The following CENPP variants were observed in gnomAD, a reference collection of about 807,000 sequenced individuals.
CENPP encodes the protein centromere protein P.
In CENPP, 24 loss-of-function variants were observed where a neutral mutation model predicts 35.6. The observed-to-expected ratio is 0.67, with a 90% confidence interval of 0.49 to 0.95. The LOEUF (loss-of-function observed/expected upper bound fraction) is 0.95, where lower values mean the gene tolerates loss of function less well. CENPP is among the 40% of genes least tolerant of loss of function. The pLI is 0.00. For synonymous variants in CENPP, 120 were observed against 125.5 expected, an observed-to-expected ratio of 0.96 and a Z score of 0.29; for missense variants, 332 against 345.3, an observed-to-expected ratio of 0.96 and a Z score of 0.31.
chr9:92,542,071 C>T (rs536474251), intron 5 of CENPP, among the ~76,000 whole-genome samples: 28 of 152,224 alleles, frequency 1.8e-4, no homozygotes, highest in Admixed American at 1.1e-3. Flanking sequence ...GGATTATAGG[C>T]GTGAGCCACT....
At chr9:92,488,560 T>C (rs1443017433) in intron 5 of CENPP, among the ~76,000 whole-genome samples, 1 of 152,200 alleles carries the variant, frequency 6.6e-6, no homozygotes, top group Admixed American at 6.5e-5. Context: ...TTCAAATAGT[T>C]AAGAACTGCT....
At chr9:92,605,121 T>A (rs1007275751) in intron 5 of CENPP, among the ~76,000 whole-genome samples, 2 of 152,016 alleles carry the variant, frequency 1.3e-5, no homozygotes, top group Admixed American at 6.6e-5. Context: ...GCTGGAATTA[T>A]AGGCACACAC....
At chr9:92,569,749 A>G (rs1332270864) in intron 5 of CENPP, among the ~76,000 whole-genome samples, 1 of 151,938 alleles carries the variant, frequency 6.6e-6, no homozygotes, top group African/African-American at 2.4e-5. Context: ...GTCCCTTTTT[A>G]TTTCGTTGAG....
In CENPP at chr9:92,457,546, T is replaced by A; in HGVS notation, c.564+77687T>A. 3 of 1,228,084 alleles carry A rather than the reference T, an allele frequency of 2.4e-6. No individual in the cohort carries two copies. In the South Asian group the frequency reaches 3.9e-5, roughly 16 times the overall value. The allele number at this position is 1,228,084 out of a possible 1,614,324, so 76.1% of individuals were successfully genotyped here. A position where few individuals can be genotyped will look rare whatever the true frequency, so the allele number is the denominator to read the frequency against. On this transcript the variant is annotated intron_variant, in intron 5 of 7. Transcript: ENST00000375587. Reference sequence around the variant, plus strand: ...CCCAGTAAATGTAAACGGAAGATACTCTGTAGTCGCCATTTGTTTGTGGGT... The same window carrying A: ...CCCAGTAAATGTAAACGGAAGATACACTGTAGTCGCCATTTGTTTGTGGGT...
rs150281438 is a variant in CENPP, at chr9:92,544,712, ATT to A, written c.565-66583_565-66582del. Among the ~76,000 whole-genome samples the A allele has an allele frequency of 3.9e-3, 510 of 132,402 alleles. 2 individuals carry two copies. The highest frequency in any genetic ancestry group is 0.01 in the South Asian group (41 of 3,962). 86.9% of individuals were successfully genotyped at this position (132,402 alleles called of 152,430 possible). A position where few individuals can be genotyped will look rare whatever the true frequency, so the allele number is the denominator to read the frequency against. ...ACCAGAGAAATTGTTATCACTATAA[ATT>A]TTTTTTTTTTTTTTTTTTGAGTTGG... On this transcript the variant is annotated intron_variant, in intron 5 of 7. Coordinates refer to ENST00000375587, the MANE Select transcript of CENPP (RefSeq NM_001012267.3).
intron 5 of CENPP, among the ~76,000 whole-genome samples, chr9:92,461,317 T>G (rs1444858843): frequency 5.3e-5 from 8 of 152,346 alleles, no homozygotes; most frequent in Admixed American, 3.9e-4. Flanking sequence ...ATTAATACAT[T>G]CTTTACTGTC....
At chr9:92,504,642 C>G (rs1291552841) in intron 5 of CENPP, among the ~76,000 whole-genome samples, 2 of 152,078 alleles carry the variant, frequency 1.3e-5, no homozygotes, top group African/African-American at 4.8e-5. Flanking sequence ...CTCAAGTGAT[C>G]CTCCACCTCA....
chr9:92,383,520 A>G (rs1247982655), intron 5 of CENPP, among the ~76,000 whole-genome samples: 1 of 152,120 alleles, frequency 6.6e-6, no homozygotes. Context: ...GCCTCTAATT[A>G]TTAGTGTCAA....
intron 7 of CENPP, among the ~76,000 whole-genome samples, 178 bp downstream of exon 7, chr9:92,612,792 G>A (rs1217698658): frequency 6.6e-6 from 1 of 152,136 alleles, no homozygotes; most frequent in East Asian, 1.9e-4. Flanking sequence ...ACATGAAAAG[G>A]GATTGCTGCC....
At chr9:92,505,766 A>T in intron 5 of CENPP, 1 of 1,226,026 alleles carries the variant, frequency 8.2e-7, no homozygotes, top group South Asian at 1.5e-5. Flanking sequence ...TTGAAATGTC[A>T]TGTGAAATGG....
In CENPP at chr9:92,349,099, G is replaced by A. The variant is rs576026735; in HGVS notation, c.467+3312G>A. ...TAATGACACATATGTTAGACTATTT[G>A]ACATATTGTCCCAGCATTTGGATGC... On this transcript the variant is annotated intron_variant, in intron 4 of 7. Coordinates refer to ENST00000375587, the MANE Select transcript of CENPP (RefSeq NM_001012267.3). 2.0e-5 allele frequency among the ~76,000 whole-genome samples: 3 copies of A among 152,244 alleles called. No individual in the cohort carries two copies. The South Asian group carries it at 6.2e-4, about 32-fold the overall frequency.
At chr9:92,417,685 A>G in intron 5 of CENPP, 1 of 645,652 alleles carries the variant, frequency 1.5e-6, no homozygotes, top group Non-Finnish European at 2.4e-6. Flanking sequence ...TATATATAAA[A>G]GAATATCCAG....
At position 92,593,894 on chromosome 9, in the gene CENPP, G is replaced by A. The variant is rs146764196; in HGVS notation, c.565-17420G>A. Among the ~76,000 whole-genome samples, 554 of 152,312 alleles carry A rather than the reference G, an allele frequency of 3.6e-3. 3 individuals are homozygous for A. Among genetic ancestry groups the A allele is most frequent in the South Asian group, 9.1e-3 (44 of 4,828 alleles). On this transcript the variant is annotated intron_variant, in intron 5 of 7. Transcript: ENST00000375587. This position sits in a 1 kb window ranked among gnomAD's most constrained non-coding sequence, Gnocchi z 4.1. ...GAAGCCAAGAATATAGGTACACTTT[G>A]CTACCTTTCTCACGAATCTCAAAGG...
intron 5 of CENPP, among the ~76,000 whole-genome samples, chr9:92,465,991 C>A (rs1845294844): frequency 6.6e-6 from 1 of 152,064 alleles, no homozygotes; most frequent in Non-Finnish European, 1.5e-5. Context: ...TGTCACCACA[C>A]CCGGCTAATT....
chr9:92,482,153 A>G (rs541424402), intron 5 of CENPP: 37 of 152,304 alleles, frequency 2.4e-4, no homozygotes, highest in African/African-American at 8.7e-4. Flanking sequence ...TTGTATTTAA[A>G]TGCTGATTTT....
chr9:92,527,598 G>A (rs1251693082), intron 5 of CENPP, among the ~76,000 whole-genome samples: 1 of 152,198 alleles, frequency 6.6e-6, no homozygotes, highest in Non-Finnish European at 1.5e-5. Context: ...CCTAAGACAA[G>A]CTGTGGGAAA....
intron 5 of CENPP, chr9:92,600,374 A>G (rs1326545922): frequency 1.9e-6 from 3 of 1,578,562 alleles, no homozygotes; most frequent in East Asian, 2.3e-5. Flanking sequence ...CCATTGGGAT[A>G]TATTTCCAGT....
intron 4 of CENPP, among the ~76,000 whole-genome samples, chr9:92,374,532 C>T (rs1269404655): frequency 1.3e-5 from 2 of 152,132 alleles, no homozygotes; most frequent in East Asian, 3.8e-4. Flanking sequence ...TTATAACAAC[C>T]TAGGTTAAAT....
At chr9:92,484,269 A>C (rs1416673511) in intron 5 of CENPP, among the ~76,000 whole-genome samples, 3 of 152,132 alleles carry the variant, frequency 2.0e-5, no homozygotes, top group Non-Finnish European at 4.4e-5. Context: ...CTCCATTCTC[A>C]TACATCCAGA....
Sources: gnomAD v4.1 joint callset for allele counts (sites outside exome capture counted in the v4.1 genomes callset) on GRCh38, gnomAD v4.1.1 for gene constraint, Gnocchi (gnomAD v3.1) non-coding constraint, MANE v1.5 for transcripts, NCBI Gene and HGNC (gene_info 2026-07-23, HGNC 2026-07-21) for gene names.